MROH9: variants seen among roughly 807,000 people sequenced by gnomAD.
MROH9 encodes maestro heat like repeat family member 9.
In MROH9, 92 loss-of-function variants were observed where a neutral mutation model predicts 98.2. The ratio of observed to expected loss-of-function variants is 0.94; its 90% CI spans 0.79 to 1.11. MROH9 has a LOEUF of 1.11. Ranked by LOEUF, MROH9 falls within the 50% of genes most tolerant of loss-of-function variation. The pLI is 0.00. For missense variants in MROH9, 1,057 were observed against 1,014.8 expected (o/e 1.04, Z -0.57); for synonymous variants, 397 against 368.9 (o/e 1.08, Z -0.87).
chr1:171,041,580 G>A (rs749644637), intron 20 of MROH9, among the ~76,000 whole-genome samples: 3 of 151,558 alleles, frequency 2.0e-5, no homozygotes, highest in Non-Finnish European at 3.0e-5. Context: ...TCTTCGATTA[G>A]ATACCTAGTA....
chr1:171,058,055 T>A (rs1021941614), intron 20 of MROH9, among the ~76,000 whole-genome samples: 1 of 152,206 alleles, frequency 6.6e-6, no homozygotes, highest in African/African-American at 2.4e-5. Flanking sequence ...AAAGTGTCTC[T>A]GTTTGCAGAT....
chr1:171,035,732 A>G (rs1243361371), intron 20 of MROH9, among the ~76,000 whole-genome samples: 3 of 152,194 alleles, frequency 2.0e-5, no homozygotes, highest in Non-Finnish European at 2.9e-5. Flanking sequence ...ACCATTATAC[A>G]TCCAACATAA....
intron 15 of MROH9, among the ~76,000 whole-genome samples, chr1:171,013,264 T>G (rs868150242): frequency 7.0e-4 from 106 of 152,304 alleles, no homozygotes; most frequent in African/African-American, 2.4e-3. Context: ...ATAGCCTGTT[T>G]GGAACAGGGC....
At chr1:171,014,828 A>G (rs527362271) in intron 16 of MROH9, among the ~76,000 whole-genome samples, 22 of 152,316 alleles carry the variant, frequency 1.4e-4, no homozygotes, top group African/African-American at 4.8e-4. Context: ...CATCACCTGG[A>G]GACTTGCTAG....
chr1:171,049,622 T>G (rs1452074940), intron 20 of MROH9, among the ~76,000 whole-genome samples: 2 of 151,838 alleles, frequency 1.3e-5, no homozygotes, highest in African/African-American at 4.8e-5. Flanking sequence ...ATGTCTTCTT[T>G]TGAAAAAATG....
At chr1:170,957,795 G>GTTTTTTTTTTTTTTTTTTTTTTTTT (rs71573033) in intron 3 of MROH9, among the ~76,000 whole-genome samples, 1 of 124,648 alleles carries the variant, frequency 8.0e-6, no homozygotes, top group African/African-American at 2.7e-5. Flanking sequence ...GCATTTTTTT[G>GTTTTTTTTTTTTTTTTTTTTTTTTT]TTTTTTTTTT....
At chr1:170,992,747 C>T (rs1651406490) in intron 12 of MROH9, among the ~76,000 whole-genome samples, 1 of 152,028 alleles carries the variant, frequency 6.6e-6, no homozygotes, top group Admixed American at 6.6e-5. Flanking sequence ...GGAAAAGTCT[C>T]GTATTGATGG....
Position 171,064,134 on chromosome 1 carries a change from A to G in MROH9, c.2380A>G (p.Ile794Val), listed in dbSNP as rs1654097597. Residue 794 changes from isoleucine to valine, a missense_variant, in exon 22 of 22, where the codon ATC becomes GTC. Ile to Val is a conservative substitution (Grantham distance 29). Coordinates refer to ENST00000367759, the MANE Select transcript of MROH9 (RefSeq NM_001163629.2). ...ACTGCTCCGAGATGAAGACCCTATGATCAAACAGTTGGCTGAAATAACCTA... is the reference window on the plus strand; with the variant it reads ...ACTGCTCCGAGATGAAGACCCTATGGTCAAACAGTTGGCTGAAATAACCTA... Reference protein sequence around the residue: ...ERLLRDEDPMIKQLAEITYDI... With the variant: ...ERLLRDEDPMVKQLAEITYDI... The G allele has an allele frequency of 6.5e-7, 1 of 1,550,350 alleles. No homozygotes were observed. The highest frequency in any genetic ancestry group is 1.2e-5 in the South Asian group (1 of 83,752).
At chr1:171,059,882 A>G (rs58281127) in intron 20 of MROH9, among the ~76,000 whole-genome samples, 22,276 of 152,014 alleles carry the variant, frequency 0.15, 1,952 homozygotes, top group African/African-American at 0.24. Context: ...CCTGTCTGGG[A>G]GTGGGAGGTG....
chr1:170,992,143 G>A, intron 11 of MROH9, 21 bp from the exon 12 acceptor site: 5 of 1,577,340 alleles, frequency 3.2e-6, no homozygotes, highest in Non-Finnish European at 3.4e-6. Flanking sequence ...CTCATTGTGT[G>A]GGGTGGGGCT....
chr1:170,998,018 G>A, intron 14 of MROH9, 136 bp from the exon 15 acceptor site: 1 of 658,312 alleles, frequency 1.5e-6, no homozygotes, highest in Admixed American at 3.2e-5. Flanking sequence ...TTCATAGTGG[G>A]ACAATTTATT....
chr1:170,957,245 C>T (rs935618982), intron 3 of MROH9, among the ~76,000 whole-genome samples: 6 of 151,756 alleles, frequency 4.0e-5, no homozygotes, highest in African/African-American at 1.2e-4. Flanking sequence ...AAATCTTCAC[C>T]GAAACTAATG....
intron 10 of MROH9, 39 bp downstream of exon 10, chr1:170,986,749 A>T (rs1260749043): frequency 1.8e-5 from 28 of 1,596,634 alleles, no homozygotes; most frequent in Non-Finnish European, 2.3e-5. Flanking sequence ...CACAGGGTTT[A>T]CTCTCTAATG....
chr1:171,017,793 G>C (rs1384099528), intron 17 of MROH9, among the ~76,000 whole-genome samples: 1 of 152,156 alleles, frequency 6.6e-6, no homozygotes, highest in Non-Finnish European at 1.5e-5. Context: ...CTGTTGACGA[G>C]TGCCTCTTCA....
At chr1:171,001,446 A>T (rs1423436723) in intron 15 of MROH9, among the ~76,000 whole-genome samples, 1 of 152,098 alleles carries the variant, frequency 6.6e-6, no homozygotes, top group Non-Finnish European at 1.5e-5. Flanking sequence ...ACATTGTGTC[A>T]TTATTGTAAT....
chr1:171,035,303 A>G (rs928463266), intron 20 of MROH9, among the ~76,000 whole-genome samples: 1 of 151,762 alleles, frequency 6.6e-6, no homozygotes, highest in Admixed American at 6.6e-5. Flanking sequence ...ATAAAGAGGA[A>G]GTTCAAAAAA....
At chr1:170,938,544 G>A (rs1420991247) in intron 1 of MROH9, among the ~76,000 whole-genome samples, 1 of 152,176 alleles carries the variant, frequency 6.6e-6, no homozygotes, top group South Asian at 2.1e-4. Context: ...GGATGGTGGG[G>A]AACATGGTAA....
chr1:171,064,391 A>G lies in MROH9; in HGVS notation c.*51A>G, dbSNP rs1654106854. The G allele has an allele frequency of 6.8e-7, 1 of 1,465,268 alleles. No individual in the cohort carries two copies. Among genetic ancestry groups the G allele is most frequent in the South Asian group, 1.4e-5 (1 of 70,436 alleles). 90.8% of individuals were successfully genotyped at this position (1,465,268 alleles called of 1,614,324 possible). A position where few individuals can be genotyped will look rare whatever the true frequency, so the allele number is the denominator to read the frequency against. On this transcript the variant is annotated 3_prime_UTR_variant, in exon 22 of 22. Coordinates refer to ENST00000367759, the MANE Select transcript of MROH9 (RefSeq NM_001163629.2). Reference sequence around the variant, plus strand: ...TTCATAAACAATGGGAAGTCCAACAATGTCTTGGAGCTGACCTTAGAAGAA... The same window carrying G: ...TTCATAAACAATGGGAAGTCCAACAGTGTCTTGGAGCTGACCTTAGAAGAA...
chr1:170,987,938 T>C (rs963232175), intron 10 of MROH9, among the ~76,000 whole-genome samples: 1 of 152,206 alleles, frequency 6.6e-6, no homozygotes, highest in Admixed American at 6.5e-5. Flanking sequence ...TTCAATAAGA[T>C]GCTTATCTTG....
Sources: allele counts gnomAD v4.1 joint callset (sites outside exome capture counted in the v4.1 genomes callset), GRCh38; gene constraint gnomAD v4.1.1; transcripts MANE v1.5; gene names NCBI Gene and HGNC (gene_info 2026-07-23, HGNC 2026-07-21).